The following WWC2 variants were observed in gnomAD, a reference collection of about 807,000 sequenced individuals.
The protein encoded by WWC2 is WW and C2 domain containing 2, also known as protein WWC2.
In WWC2, 101 loss-of-function variants were observed where a neutral mutation model predicts 138.5. That is an observed-to-expected ratio of 0.73 (90% CI 0.62 to 0.86). The LOEUF is 0.86. WWC2 is among the 40% of genes least tolerant of loss of function. The pLI is 0.00. For missense variants in WWC2, 1,420 were observed against 1,419.4 expected, an observed-to-expected ratio of 1.00 and a Z score of -0.01; for synonymous variants, 558 against 538.4, an observed-to-expected ratio of 1.04 and a Z score of -0.50.
chr4:183,104,888 T>A (rs1743300308), intron 1 of WWC2, among the ~76,000 whole-genome samples: 1 of 152,190 alleles, frequency 6.6e-6, no homozygotes. Flanking sequence ...CAATAATTGC[T>A]TTTTAAATAA....
chr4:183,314,839 A>G (rs931713895), intron 22 of WWC2, among the ~76,000 whole-genome samples: 1 of 152,174 alleles, frequency 6.6e-6, no homozygotes, highest in Admixed American at 6.5e-5. Context: ...TCCAGTGTCC[A>G]TAGTGTTCTC....
chr4:183,126,082 C>T (rs534694059), intron 1 of WWC2, among the ~76,000 whole-genome samples: 85 of 152,326 alleles, frequency 5.6e-4, no homozygotes, highest in African/African-American at 2.0e-3. Context: ...CCTGGCTCGC[C>T]TCACCCTGGT....
At chr4:183,209,864 C>A (rs1735548935) in intron 4 of WWC2, among the ~76,000 whole-genome samples, 2 of 152,044 alleles carry the variant, frequency 1.3e-5, no homozygotes, top group South Asian at 4.2e-4. Context: ...TAACCAATAC[C>A]CCCTGGTCAT....
At chr4:183,275,566 A>T (rs760949112) in intron 16 of WWC2, among the ~76,000 whole-genome samples, 1 of 152,116 alleles carries the variant, frequency 6.6e-6, no homozygotes, top group Non-Finnish European at 1.5e-5. Flanking sequence ...TGAGATGGTC[A>T]TGTGGTTTTT....
At chr4:183,289,731 A>C in intron 21 of WWC2, 96 bp downstream of exon 21, 1 of 1,514,036 alleles carries the variant, frequency 6.6e-7, no homozygotes. Context: ...TGTTTTGCGC[A>C]TAAGTCTTTA....
At chr4:183,300,341 CT>C (rs763942652) in intron 21 of WWC2, among the ~76,000 whole-genome samples, 288 of 136,056 alleles carry the variant, frequency 2.1e-3, no homozygotes, top group Middle Eastern at 3.8e-3. Flanking sequence ...GCAGGAATTT[CT>C]TTTTTTTTTT....
chr4:183,155,221 A>AGAGAGAGAGAGAGAGAGTGAGAGT (rs61543148), intron 1 of WWC2, among the ~76,000 whole-genome samples: 6 of 135,184 alleles, frequency 4.4e-5, no homozygotes, highest in African/African-American at 1.7e-4. Flanking sequence ...AGAGAGAGAG[A>AGAGAGAGAGAGAGAGAGTGAGAGT]GAGTTAGTTG....
intron 9 of WWC2, among the ~76,000 whole-genome samples, chr4:183,257,975 GC>G (rs1390659709): frequency 1.3e-5 from 2 of 152,212 alleles, no homozygotes; most frequent in African/African-American, 4.8e-5. Flanking sequence ...AAGAGCAGCT[GC>G]CGAGCATCAC....
At chr4:183,205,768 C>G (rs1263094917) in intron 2 of WWC2, among the ~76,000 whole-genome samples, 1 of 152,168 alleles carries the variant, frequency 6.6e-6, no homozygotes, top group Non-Finnish European at 1.5e-5. Flanking sequence ...GTGGTCTCCA[C>G]TGGATTCCCT....
chr4:183,308,173 A>G (rs994416061), intron 21 of WWC2, among the ~76,000 whole-genome samples: 2 of 152,242 alleles, frequency 1.3e-5, no homozygotes, highest in Non-Finnish European at 2.9e-5. Context: ...CAAAATATGT[A>G]TAAGGTCTAT....
At chr4:183,108,663 T>A (rs1579943895) in intron 1 of WWC2, among the ~76,000 whole-genome samples, 1 of 151,862 alleles carries the variant, frequency 6.6e-6, no homozygotes, top group African/African-American at 2.4e-5. Context: ...CAGGCTGGAG[T>A]GCAGTGTTGT....
chr4:183,268,898 A>G, intron 14 of WWC2, 73 bp from the exon 15 acceptor site: 1 of 1,419,056 alleles, frequency 7.0e-7, no homozygotes, highest in South Asian at 1.3e-5. Flanking sequence ...TTTGCAGATA[A>G]TTTCAAATGA....
chr4:183,252,423 A>G (rs1159295846), intron 8 of WWC2, among the ~76,000 whole-genome samples: 1 of 152,202 alleles, frequency 6.6e-6, no homozygotes, highest in Non-Finnish European at 1.5e-5. Flanking sequence ...GCCACGTAGC[A>G]AGTTATTTGA....
chr4:183,259,542 C>T (rs1166992484), intron 9 of WWC2, 97 bp from the exon 10 acceptor site: 2 of 976,550 alleles, frequency 2.0e-6, no homozygotes, highest in Admixed American at 5.9e-5. Context: ...ACATTTTTCC[C>T]TTGTGATCTG....
intron 1 of WWC2, among the ~76,000 whole-genome samples, chr4:183,187,086 T>C (rs1734827608): frequency 6.6e-6 from 1 of 152,132 alleles, no homozygotes. Context: ...AAATTAGTTA[T>C]CTGCTTGGCT....
intron 1 of WWC2, among the ~76,000 whole-genome samples, chr4:183,138,300 T>C (rs1015481027): frequency 3.9e-5 from 6 of 152,182 alleles, no homozygotes; most frequent in South Asian, 2.1e-4. Context: ...TAAGAGGATC[T>C]AGTCTCTTTG....
intron 5 of WWC2, among the ~76,000 whole-genome samples, chr4:183,241,390 G>A (rs1736616953): frequency 6.6e-6 from 1 of 152,214 alleles, no homozygotes; most frequent in Non-Finnish European, 1.5e-5. Flanking sequence ...GTTCTTGTTT[G>A]GGTGATTAGT....
At chr4:183,213,638 T>G (rs1735670701) in intron 4 of WWC2, among the ~76,000 whole-genome samples, 1 of 152,240 alleles carries the variant, frequency 6.6e-6, no homozygotes, top group African/African-American at 2.4e-5. Flanking sequence ...ATCATTGGGC[T>G]TGTTTCCTCT....
chr4:183,245,699 C>A (rs1021751276), intron 6 of WWC2, among the ~76,000 whole-genome samples, 154 bp downstream of exon 6: 1 of 152,192 alleles, frequency 6.6e-6, no homozygotes, highest in Non-Finnish European at 1.5e-5. Flanking sequence ...GTTGCAGGCA[C>A]AAAGGTAGCC....
Sources: allele counts gnomAD v4.1 joint callset (sites outside exome capture counted in the v4.1 genomes callset), GRCh38; gene constraint gnomAD v4.1.1; transcripts MANE v1.5; gene names NCBI Gene and HGNC (gene_info 2026-07-23, HGNC 2026-07-21).